LUZP2: variants seen among roughly 807,000 people sequenced by gnomAD.
LUZP2 encodes the protein leucine zipper protein 2.
LUZP2 carries 52 observed loss-of-function variants against 51.6 expected under a neutral mutation model. The observed-to-expected ratio is 1.01, with a 90% CI of 0.81 to 1.27. The LOEUF (loss-of-function observed/expected upper bound fraction) is 1.27. Among genes scored for constraint, LUZP2 ranks in the 50% most tolerant of loss-of-function variants. The pLI is 0.00. For synonymous variants in LUZP2, 154 were observed against 137.3 expected (o/e 1.12, Z -0.85); for missense variants, 436 against 395.4 (o/e 1.10, Z -0.87).
intron 5 of LUZP2, among the ~76,000 whole-genome samples, chr11:24,810,021 C>T (rs796519956): frequency 7.2e-5 from 11 of 152,224 alleles, no homozygotes; most frequent in African/African-American, 1.4e-4. Context: ...GACTGAGTAA[C>T]GCATTCAACC....
At chr11:24,804,902 C>T (rs917558686) in intron 5 of LUZP2, among the ~76,000 whole-genome samples, 2 of 151,986 alleles carry the variant, frequency 1.3e-5, no homozygotes, top group African/African-American at 4.8e-5. Flanking sequence ...TACAATGGTG[C>T]AATCTTGGCT....
intron 9 of LUZP2, among the ~76,000 whole-genome samples, chr11:25,044,549 T>G (rs1858230538): frequency 6.6e-6 from 1 of 152,012 alleles, no homozygotes; most frequent in African/African-American, 2.4e-5. Flanking sequence ...CTTTTATACT[T>G]TTGTGCTCAC....
intron 1 of LUZP2, among the ~76,000 whole-genome samples, chr11:24,627,984 C>A (rs1051105325): frequency 6.6e-6 from 1 of 152,104 alleles, no homozygotes; most frequent in Non-Finnish European, 1.5e-5. Context: ...ACAAATTAGA[C>A]CCTGAAATAT....
chr11:24,981,148 T>G (rs1228651086), intron 8 of LUZP2, among the ~76,000 whole-genome samples: 2 of 151,802 alleles, frequency 1.3e-5, no homozygotes, highest in African/African-American at 4.8e-5. Context: ...TGGTGTAAAA[T>G]CATCCTCTGG....
chr11:24,649,194 G>T (rs1387380328), intron 1 of LUZP2, among the ~76,000 whole-genome samples: 1 of 151,958 alleles, frequency 6.6e-6, no homozygotes, highest in African/African-American at 2.4e-5. Context: ...TAGTGGTGTT[G>T]GTGGATGGCC....
chr11:24,789,125 C>T (rs943579116), intron 5 of LUZP2, among the ~76,000 whole-genome samples: 4 of 152,174 alleles, frequency 2.6e-5, no homozygotes, highest in Admixed American at 2.6e-4. Context: ...CATTATTACT[C>T]TGCTGTGTGC....
At chr11:24,559,838 T>C (rs896054692) in intron 1 of LUZP2, among the ~76,000 whole-genome samples, 1 of 152,162 alleles carries the variant, frequency 6.6e-6, no homozygotes, top group African/African-American at 2.4e-5. Context: ...ACCTTGTAAT[T>C]CACTACATAA....
intron 9 of LUZP2, among the ~76,000 whole-genome samples, chr11:25,010,401 G>A (rs1351440708): frequency 6.6e-6 from 1 of 151,556 alleles, no homozygotes; most frequent in East Asian, 1.9e-4. Context: ...TAAAAACTAC[G>A]AAATTGGCCA....
intron 1 of LUZP2, among the ~76,000 whole-genome samples, chr11:24,711,176 G>A (rs1052730970): frequency 6.6e-6 from 1 of 152,156 alleles, no homozygotes; most frequent in Admixed American, 6.5e-5. Flanking sequence ...TGGGCCTGGC[G>A]CGGTGGCTGA....
At chr11:24,597,619 C>T (rs1297614651) in intron 1 of LUZP2, among the ~76,000 whole-genome samples, 12 of 152,142 alleles carry the variant, frequency 7.9e-5, no homozygotes, top group Non-Finnish European at 1.5e-4. Flanking sequence ...ACTCTAGATA[C>T]GTGATAGGAT....
chr11:24,562,699 CAA>C (rs10692762), intron 1 of LUZP2, among the ~76,000 whole-genome samples: 9 of 138,780 alleles, frequency 6.5e-5, no homozygotes, highest in Admixed American at 7.3e-5. Flanking sequence ...TGAAAAAATA[CAA>C]AAAAAAAAAA....
chr11:24,588,388 T>C (rs1029015815), intron 1 of LUZP2, among the ~76,000 whole-genome samples: 1 of 152,140 alleles, frequency 6.6e-6, no homozygotes, highest in Admixed American at 6.6e-5. Flanking sequence ...AGTGGTCACT[T>C]GTGTCTTCAT....
chr11:24,515,000 G>A (rs901026754), intron 1 of LUZP2, among the ~76,000 whole-genome samples: 3 of 152,120 alleles, frequency 2.0e-5, no homozygotes, highest in South Asian at 2.1e-4. Context: ...GTGAACAATC[G>A]TTGTCATTGA....
At chr11:25,016,928 C>T (rs547718797) in intron 9 of LUZP2, among the ~76,000 whole-genome samples, 140 of 131,030 alleles carry the variant, frequency 1.1e-3, no homozygotes, top group Non-Finnish European at 2.1e-3. Context: ...ACTTCCTTGC[C>T]GACATCATTT....
intron 1 of LUZP2, among the ~76,000 whole-genome samples, chr11:24,659,172 A>G (rs1855923717): frequency 6.6e-6 from 1 of 152,214 alleles, no homozygotes. Context: ...GAACCAACCC[A>G]AATGTCCATC....
Position 25,082,632 on chromosome 11 carries a change from A to G in LUZP2, c.*3974A>G, listed in dbSNP as rs957248055. 6.6e-6 allele frequency: 1 copy of G among 152,180 alleles called. No homozygotes were observed. Among genetic ancestry groups the G allele is most frequent in the African/African-American group, 2.4e-5 (1 of 41,452 alleles). The allele number at this position is 152,180 out of a possible 1,614,324, so 9.4% of individuals were successfully genotyped here. On this transcript the variant is annotated 3_prime_UTR_variant, in exon 12 of 12. Transcript: ENST00000336930. ...CTATTTTTGTTCAATAAAGATTGTT[A>G]CAAGAATACAATGTATATTATCTTA...
At chr11:24,540,697 T>G (rs1241413099) in intron 1 of LUZP2, among the ~76,000 whole-genome samples, 1 of 152,066 alleles carries the variant, frequency 6.6e-6, no homozygotes, top group Non-Finnish European at 1.5e-5. Context: ...TTTACCTTGG[T>G]ACTAAGTTAA....
At chr11:24,592,932 G>C (rs556613057) in intron 1 of LUZP2, among the ~76,000 whole-genome samples, 13 of 152,266 alleles carry the variant, frequency 8.5e-5, no homozygotes, top group African/African-American at 3.1e-4. Context: ...ACATCTATTG[G>C]TGATGCACAT....
chr11:24,912,456 A>T (rs1255012529), intron 6 of LUZP2, among the ~76,000 whole-genome samples: 1 of 152,030 alleles, frequency 6.6e-6, no homozygotes, highest in East Asian at 1.9e-4. Context: ...ATGATTGAAA[A>T]ATTATTGTGC....
Sources: gnomAD v4.1 joint callset for allele counts (sites outside exome capture counted in the v4.1 genomes callset) on GRCh38, gnomAD v4.1.1 for gene constraint, MANE v1.5 for transcripts, NCBI Gene and HGNC (gene_info 2026-07-23, HGNC 2026-07-21) for gene names.